Variants in PON1 observed in about 807,000 individuals in gnomAD.
The protein encoded by PON1 is serum paraoxonase/arylesterase 1.
A neutral mutation model predicts 39.2 loss-of-function variants in PON1; 37 were observed. That is an observed-to-expected ratio of 0.94 (90% CI 0.73 to 1.24). The LOEUF is 1.24. Among genes scored for constraint, PON1 ranks in the 50% most tolerant of loss-of-function variants. The pLI, the probability that PON1 is intolerant of heterozygous loss-of-function variation, is 0.00. For synonymous variants in PON1, 148 were observed against 152.2 expected, an observed-to-expected ratio of 0.97 and a Z score of 0.21; for missense variants, 397 against 413.5, an observed-to-expected ratio of 0.96 and a Z score of 0.35.
chr7:95,310,949 A>C (rs1252849053), intron 5 of PON1, among the ~76,000 whole-genome samples: 2 of 152,162 alleles, frequency 1.3e-5, no homozygotes, highest in Non-Finnish European at 2.9e-5. Context: ...GGGGGAATTG[A>C]GTGTTACCAC....
At chr7:95,314,842 C>G (rs1480420107) in intron 4 of PON1, among the ~76,000 whole-genome samples, 1 of 151,038 alleles carries the variant, frequency 6.6e-6, no homozygotes, top group Non-Finnish European at 1.5e-5. Flanking sequence ...GACCAACATG[C>G]AGAGGAGCAT....
chr7:95,318,484 A>G lies in PON1; in HGVS notation c.75-91T>C. On this transcript the variant is annotated intron_variant, in intron 1 of 8. Transcript: ENST00000222381. ...AGGCAGTCCACAAAAGTTCTCCTTCACTGTACTTTGCCTGAGTTTCAACTC... is the reference window on the plus strand; with the variant it reads ...AGGCAGTCCACAAAAGTTCTCCTTCGCTGTACTTTGCCTGAGTTTCAACTC... 2.5e-6 allele frequency: 3 copies of G among 1,223,734 alleles called. 1 individual carries two copies. The South Asian group carries it at 3.7e-5, about 15-fold the overall frequency. 75.8% of individuals were successfully genotyped at this position (1,223,734 alleles called of 1,614,324 possible). A position where few individuals can be genotyped will look rare whatever the true frequency, so the allele number is the denominator to read the frequency against.
intron 4 of PON1, among the ~76,000 whole-genome samples, chr7:95,315,056 T>C (rs1168306409): frequency 6.6e-6 from 1 of 152,212 alleles, no homozygotes; most frequent in Admixed American, 6.5e-5. Context: ...ATATTATTAT[T>C]ATGGTAATTA....
rs2116319302 is a variant in PON1, at chr7:95,315,391, C to G, written c.301G>C (p.Gly101Arg). The change falls in exon 4 of 9, where the codon GGG (glycine) becomes CGG (arginine). Residue 101 changes from glycine to arginine, a missense_variant. Transcript: ENST00000222381. ...NEEDPTVLEL[G>R]ITGSKFDVSS... ...ACATCAAATTTACTTCCAGTGATCC[C>G]CAATTCCAACACTGTTGGATCTTCT... is the stretch of plus-strand genomic sequence containing the variant. The G allele has an allele frequency of 6.2e-7, 1 of 1,613,554 alleles. No homozygotes were observed. Among genetic ancestry groups the G allele is most frequent in the South Asian group, 1.1e-5 (1 of 91,058 alleles).
At chr7:95,315,561 G>T in intron 3 of PON1, 71 bp from the exon 4 acceptor site, 1 of 1,494,190 alleles carries the variant, frequency 6.7e-7, no homozygotes, top group East Asian at 2.3e-5. Flanking sequence ...GCGCTGCATG[G>T]CCCATGGGTT....
chr7:95,301,842 C>T (rs1279209144), intron 8 of PON1, among the ~76,000 whole-genome samples: 1 of 150,744 alleles, frequency 6.6e-6, no homozygotes, highest in Non-Finnish European at 1.5e-5. Flanking sequence ...AATCCCGGCA[C>T]TTTGGGAGGC....
At chr7:95,305,539 A>G (rs886587883) in intron 7 of PON1, among the ~76,000 whole-genome samples, 4 of 152,342 alleles carry the variant, frequency 2.6e-5, no homozygotes, top group African/African-American at 9.6e-5. Flanking sequence ...AAAGGGTATG[A>G]ATAAAATATA....
chr7:95,314,997 G>A (rs1004038146), intron 4 of PON1, among the ~76,000 whole-genome samples: 5 of 152,142 alleles, frequency 3.3e-5, no homozygotes, highest in African/African-American at 7.2e-5. Flanking sequence ...GTAAATGCCC[G>A]AGTCTTGAAA....
At position 95,306,278 on chromosome 7, in the gene PON1, G is replaced by A. The variant is rs376837560; in HGVS notation, c.780+7C>T. 38 of 1,585,654 alleles carry A rather than the reference G, an allele frequency of 2.4e-5. No homozygotes were observed. The highest frequency in any genetic ancestry group is 1.6e-4 in the African/African-American group (12 of 74,246). On this transcript the variant is annotated splice_region_variant and intron_variant, in intron 7 of 8. Transcript: ENST00000222381. ...CTCTGCAGACTTACAGTGTTAATAC[G>A]TCTTACCTTCAATGGAGTTAAAGTC... is the stretch of plus-strand genomic sequence containing the variant.
intron 3 of PON1, among the ~76,000 whole-genome samples, chr7:95,316,179 C>T (rs1202784005): frequency 6.6e-6 from 1 of 152,120 alleles, no homozygotes; most frequent in Non-Finnish European, 1.5e-5. Flanking sequence ...ATCCCTAGGC[C>T]AGATGGTGGA....
In PON1 at chr7:95,322,943, C is replaced by T. The variant is rs182178012; in HGVS notation, c.74+1459G>A. ...CTGTGAGCCGCACACACATACACTC[C>T]AAGTCTGAAGAAAAAAGGATGCATC... On this transcript the variant is annotated intron_variant, in intron 1 of 8. Transcript: ENST00000222381. 2.6e-5 allele frequency among the ~76,000 whole-genome samples: 4 copies of T among 152,274 alleles called. No individual in the cohort carries two copies. The East Asian group carries it at 5.8e-4, about 22-fold the overall frequency.
chr7:95,302,128 A>AAAAAAAAAAAAAAAAAAAAAT, intron 8 of PON1, 77 bp downstream of exon 8: 4 of 1,070,190 alleles, frequency 3.7e-6, no homozygotes, highest in East Asian at 5.7e-5. Flanking sequence ...AAAACCAAGA[A>AAAAAAAAAAAAAAAAAAAAAT]TTGAGAATTA....
Position 95,298,939 on chromosome 7 carries a change from G to A in PON1, c.*5C>T. 6.2e-7 allele frequency: 1 copy of A among 1,614,116 alleles called. No individual in the cohort carries two copies. Among genetic ancestry groups the A allele is most frequent in the Non-Finnish European group, 8.5e-7 (1 of 1,180,014 alleles). The stretch of plus-strand genomic sequence containing the variant: ...GTTTCTATGGCATGGGTGCAAATCG[G>A]TCTGTTAGAGCTCACAGTAAAGAGC... On this transcript the variant is annotated 3_prime_UTR_variant, in exon 9 of 9. Coordinates refer to ENST00000222381, the MANE Select transcript of PON1 (RefSeq NM_000446.7).
At chr7:95,313,099 A>C (rs925919526) in intron 4 of PON1, among the ~76,000 whole-genome samples, 3 of 152,218 alleles carry the variant, frequency 2.0e-5, no homozygotes, top group Non-Finnish European at 4.4e-5. Flanking sequence ...AAAGGCAGGA[A>C]AGGTCATGAG....
At chr7:95,306,245 A>G (rs1303721205) in intron 7 of PON1, 40 bp downstream of exon 7, 1 of 1,450,564 alleles carries the variant, frequency 6.9e-7, no homozygotes, top group African/African-American at 1.4e-5. Context: ...ATTAGAATCT[A>G]ATTATCACTC....
intron 5 of PON1, among the ~76,000 whole-genome samples, chr7:95,309,660 T>C (rs1807614331): frequency 6.6e-6 from 1 of 152,194 alleles, no homozygotes; most frequent in Non-Finnish European, 1.5e-5. Flanking sequence ...CACTAAATTT[T>C]GAGCCACTAT....
At chr7:95,305,223 G>T (rs1807514383) in intron 7 of PON1, among the ~76,000 whole-genome samples, 1 of 152,178 alleles carries the variant, frequency 6.6e-6, no homozygotes, top group African/African-American at 2.4e-5. Context: ...TCCTGCAGTG[G>T]GCGTTTATGG....
Position 95,316,487 on chromosome 7 carries a change from A to C in PON1, c.201+247T>G, listed in dbSNP as rs559730266. Among the ~76,000 whole-genome samples the C allele has an allele frequency of 3.3e-5, 5 of 152,360 alleles. No individual in the cohort carries two copies. In the South Asian group the frequency reaches 8.3e-4, roughly 25 times the overall value. ...ATTCTTGAATACACTGAACTCACAAAAAAATTGCTGCAATAGAAGCTAACG... is the reference window on the plus strand; with the variant it reads ...ATTCTTGAATACACTGAACTCACAACAAAATTGCTGCAATAGAAGCTAACG... On this transcript the variant is annotated intron_variant, in intron 3 of 8. Transcript: ENST00000222381.
At chr7:95,320,749 C>T (rs1433466964) in intron 1 of PON1, among the ~76,000 whole-genome samples, 1 of 152,140 alleles carries the variant, frequency 6.6e-6, no homozygotes, top group Non-Finnish European at 1.5e-5. Context: ...ATTTTTTCTA[C>T]CTCATTTTCA....
Sources: gnomAD v4.1 joint callset for allele counts (sites outside exome capture counted in the v4.1 genomes callset) on GRCh38, gnomAD v4.1.1 for gene constraint, MANE v1.5 for transcripts, NCBI Gene and HGNC (gene_info 2026-07-23, HGNC 2026-07-21) for gene names.